DNAJC16: variants seen among roughly 807,000 people sequenced by gnomAD.
The protein encoded by DNAJC16 is DnaJ heat shock protein family (Hsp40) member C16, also known as dnaJ homolog subfamily C member 16.
Under a neutral mutation model 92.7 loss-of-function variants are expected in DNAJC16, and 76 were observed. The ratio of observed to expected loss-of-function variants is 0.82; its 90% CI spans 0.68 to 0.99. DNAJC16 has a LOEUF of 0.99. Ranked by LOEUF, DNAJC16 falls within the 50% of genes least tolerant of loss-of-function variation. DNAJC16 has a pLI of 0.00. For missense variants in DNAJC16, 869 were observed against 942.4 expected (o/e 0.92, Z 1.02); for synonymous variants, 328 against 358.7 (o/e 0.91, Z 0.97).
In DNAJC16 at chr1:15,529,174, G is replaced by A. The variant is rs1342692020; in HGVS notation, c.69G>A (p.Leu23=). ...TTCTGGTTCTGATCCTGCAAATTCTGTCTGCGTTGGATTTTGACCCATACA... is the reference window on the plus strand; with the variant it reads ...TTCTGGTTCTGATCCTGCAAATTCTATCTGCGTTGGATTTTGACCCATACA... The part of the protein sequence containing the change: ...LIVLVLILQI[L]SALDFDPYRV... The change falls in exon 2 of 15, where the codon CTG becomes CTA. Residue 23 remains leucine (L), a synonymous_variant. Coordinates refer to ENST00000375847, the MANE Select transcript of DNAJC16 (RefSeq NM_015291.4). The A allele has an allele frequency of 6.2e-7, 1 of 1,614,122 alleles. No individual in the cohort carries two copies. Among genetic ancestry groups the A allele is most frequent in the Admixed American group, 1.7e-5 (1 of 60,018 alleles).
chr1:15,559,103 C>A (rs1165288642), intron 7 of DNAJC16, among the ~76,000 whole-genome samples: 1 of 152,006 alleles, frequency 6.6e-6, no homozygotes, highest in African/African-American at 2.4e-5. Context: ...CCATGCCTGG[C>A]TAATTTCTGT....
chr1:15,570,149 T>G lies in DNAJC16; in HGVS notation c.*1972T>G, dbSNP rs2103432365. 1 of 152,642 alleles carries G rather than the reference T, an allele frequency of 6.6e-6. No homozygotes were observed. The highest frequency in any genetic ancestry group is 1.9e-4 in the East Asian group (1 of 5,190). 9.5% of individuals were successfully genotyped at this position (152,642 alleles called of 1,614,324 possible). A position where few individuals can be genotyped will look rare whatever the true frequency, so the allele number is the denominator to read the frequency against. The stretch of plus-strand genomic sequence containing the variant: ...ATATGATCCTCTAAAAATGGACACT[T>G]CCTCTGAATGCTGTATCTCATGGCA... On this transcript the variant is annotated 3_prime_UTR_variant, in exon 15 of 15. Transcript: ENST00000375847.
At chr1:15,542,707 T>C (rs936071084) in intron 4 of DNAJC16, among the ~76,000 whole-genome samples, 2 of 152,252 alleles carry the variant, frequency 1.3e-5, no homozygotes, top group Non-Finnish European at 2.9e-5. Flanking sequence ...TGATGCTTCC[T>C]CTGGGTAGAT....
intron 5 of DNAJC16, 129 bp downstream of exon 5, chr1:15,544,712 T>C: frequency 5.1e-6 from 4 of 781,250 alleles, no homozygotes; most frequent in African/African-American, 1.8e-5. Context: ...ATGACACTTA[T>C]TAATTAATTA....
intron 7 of DNAJC16, among the ~76,000 whole-genome samples, chr1:15,558,171 C>CA (rs1638609444): frequency 8.5e-6 from 1 of 117,800 alleles, no homozygotes; most frequent in Non-Finnish European, 1.7e-5. Context: ...ATACCCAGCC[C>CA]TTTTTTTTTT....
chr1:15,534,068 T>G (rs6703016), intron 2 of DNAJC16, among the ~76,000 whole-genome samples, 169 bp from the exon 3 acceptor site: 1,747 of 152,196 alleles, frequency 0.011, 40 homozygotes, highest in African/African-American at 0.039. Flanking sequence ...AAGTTTCATT[T>G]ATTATAGTCA....
chr1:15,564,528 CT>C (rs1467400970), intron 11 of DNAJC16, among the ~76,000 whole-genome samples, 169 bp downstream of exon 11: 2 of 148,866 alleles, frequency 1.3e-5, no homozygotes, highest in East Asian at 1.9e-4. Flanking sequence ...AGTAACTTCC[CT>C]TTTTTTTATT....
chr1:15,530,433 G>A lies in DNAJC16; in HGVS notation c.167+1161G>A, dbSNP rs531881652. ...GGGTAGCAATAAATCTAAAACTTTG[G>A]ACAAATATCATCAGTTTCTTCCACC... On this transcript the variant is annotated intron_variant, in intron 2 of 14. Coordinates refer to ENST00000375847, the MANE Select transcript of DNAJC16 (RefSeq NM_015291.4). Among the ~76,000 whole-genome samples the A allele has an allele frequency of 9.9e-5, 15 of 152,116 alleles. 1 individual carries two copies. Among genetic ancestry groups the A allele is most frequent in the Non-Finnish European group, 1.5e-4 (10 of 68,034 alleles).
intron 4 of DNAJC16, among the ~76,000 whole-genome samples, chr1:15,543,338 G>T (rs143743338): frequency 6.6e-6 from 1 of 152,204 alleles, no homozygotes; most frequent in African/African-American, 2.4e-5. Flanking sequence ...AGTCAGCTAC[G>T]CAGAAGTCAC....
chr1:15,530,710 C>T (rs960594271), intron 2 of DNAJC16, among the ~76,000 whole-genome samples: 9 of 151,604 alleles, frequency 5.9e-5, no homozygotes, highest in African/African-American at 1.2e-4. Flanking sequence ...TTTTTTGAGA[C>T]GGAGTCTCGC....
At chr1:15,538,310 G>T (rs898465264) in intron 4 of DNAJC16, among the ~76,000 whole-genome samples, 1 of 150,558 alleles carries the variant, frequency 6.6e-6, no homozygotes, top group Non-Finnish European at 1.5e-5. Flanking sequence ...CAGGAGAATC[G>T]CTTGAACCCG....
At chr1:15,548,122 G>A (rs965119689) in intron 6 of DNAJC16, 148 bp from the exon 7 acceptor site, 62 of 634,876 alleles carry the variant, frequency 9.8e-5, no homozygotes, top group Admixed American at 1.6e-4. Flanking sequence ...ACCATAGAAT[G>A]GAAGTATACA....
chr1:15,533,531 G>A (rs1447640226), intron 2 of DNAJC16, among the ~76,000 whole-genome samples: 1 of 152,176 alleles, frequency 6.6e-6, no homozygotes. Flanking sequence ...GGGAGGCTGA[G>A]GCAAGAGAAT....
At chr1:15,535,043 T>G (rs1299149413) in intron 3 of DNAJC16, among the ~76,000 whole-genome samples, 1 of 152,216 alleles carries the variant, frequency 6.6e-6, no homozygotes, top group African/African-American at 2.4e-5. Context: ...GCTTTCTGAT[T>G]TGTATAGGGA....
rs1252776408 is a variant in DNAJC16 at position 15,564,440 on chromosome 1, T to C, written c.1598+81T>C. ...TTTTCTTTTGAAAAGAGTTCATCAT[T>C]ATTAAATTTCAAGGTACACTTGATG... On this transcript the variant is annotated intron_variant, in intron 11 of 14. Coordinates refer to ENST00000375847, the MANE Select transcript of DNAJC16 (RefSeq NM_015291.4). The C allele has an allele frequency of 1.5e-5, 14 of 961,710 alleles. No individual in the cohort carries two copies. The East Asian group carries it at 3.1e-4, about 21-fold the overall frequency. 59.6% of individuals were successfully genotyped at this position (961,710 alleles called of 1,614,324 possible). A position where few individuals can be genotyped will look rare whatever the true frequency, so the allele number is the denominator to read the frequency against.
intron 7 of DNAJC16, among the ~76,000 whole-genome samples, chr1:15,555,393 A>C (rs1409112734): frequency 6.6e-6 from 1 of 151,222 alleles, no homozygotes; most frequent in Non-Finnish European, 1.5e-5. Context: ...CTCAAAAAAA[A>C]AAAAAAAGAG....
Position 15,569,121 on chromosome 1 carries a change from G to C in DNAJC16, c.*944G>C. The C allele has an allele frequency of 6.3e-6, 1 of 159,740 alleles. No individual in the cohort carries two copies. The highest frequency in any genetic ancestry group is 1.4e-5 in the Non-Finnish European group (1 of 72,988). 9.9% of individuals were successfully genotyped at this position (159,740 alleles called of 1,614,324 possible). On this transcript the variant is annotated 3_prime_UTR_variant, in exon 15 of 15. Transcript: ENST00000375847. ...AAGAGAAATTATTCCCACCTGCTATGAGTCAGGCTTAAGGAATCTCTTCAA... is the reference window on the plus strand; with the variant it reads ...AAGAGAAATTATTCCCACCTGCTATCAGTCAGGCTTAAGGAATCTCTTCAA...
At position 15,569,898 on chromosome 1, in the gene DNAJC16, C is replaced by T. The variant is rs1248716712; in HGVS notation, c.*1721C>T. 6.6e-6 allele frequency: 1 copy of T among 152,356 alleles called. No homozygotes were observed. Among genetic ancestry groups the T allele is most frequent in the African/African-American group, 2.4e-5 (1 of 41,442 alleles). 9.4% of individuals were successfully genotyped at this position (152,356 alleles called of 1,614,324 possible). A position where few individuals can be genotyped will look rare whatever the true frequency, so the allele number is the denominator to read the frequency against. On this transcript the variant is annotated 3_prime_UTR_variant, in exon 15 of 15. Coordinates refer to ENST00000375847, the MANE Select transcript of DNAJC16 (RefSeq NM_015291.4). ...CTGACCTCAGGTGATCTGCCTGCCT[C>T]AGCCTCCCAAAGTGCTGCTGGGATT...
chr1:15,550,378 T>G (rs1402028677), intron 7 of DNAJC16, among the ~76,000 whole-genome samples: 2 of 152,238 alleles, frequency 1.3e-5, no homozygotes, highest in African/African-American at 4.8e-5. Context: ...TTGCTCTTTG[T>G]GGATATCAAG....
Sources: allele counts gnomAD v4.1 joint callset (sites outside exome capture counted in the v4.1 genomes callset), GRCh38; gene constraint gnomAD v4.1.1; transcripts MANE v1.5; gene names NCBI Gene and HGNC (gene_info 2026-07-23, HGNC 2026-07-21).